The following STARD13 variants were observed in gnomAD, a reference collection of about 807,000 sequenced individuals.
STARD13 encodes the protein stAR-related lipid transfer protein 13.
In STARD13, 62 loss-of-function variants were observed where a neutral mutation model predicts 106.4. The ratio of observed to expected loss-of-function variants is 0.58; its 90% confidence interval spans 0.48 to 0.72. The LOEUF is 0.72. Ranked by LOEUF, STARD13 falls within the 30% of genes least tolerant of loss-of-function variation. The probability of loss-of-function intolerance (pLI) is 0.00; values close to 1 mark genes in which losing one functional copy is unlikely to be tolerated. For synonymous variants in STARD13, 565 were observed against 553.0 expected (o/e 1.02, Z -0.31); for missense variants, 1,387 against 1,424.0 (o/e 0.97, Z 0.42).
At chr13:33,398,849 T>C in the STARD13 span, among the ~76,000 whole-genome samples, 1 of 152,228 alleles carries the variant, frequency 6.6e-6, no homozygotes, top group East Asian at 1.9e-4. Context: ...AGTAGTCTGG[T>C]AGTTTTCTTA....
the STARD13 span, among the ~76,000 whole-genome samples, chr13:33,580,520 G>A: frequency 6.6e-6 from 1 of 152,024 alleles, no homozygotes; most frequent in Non-Finnish European, 1.5e-5. Flanking sequence ...ACAACACAGC[G>A]TGAACCTTAA....
At chr13:33,428,231 A>G in the STARD13 span, among the ~76,000 whole-genome samples, 1 of 152,220 alleles carries the variant, frequency 6.6e-6, no homozygotes, top group Non-Finnish European at 1.5e-5. Flanking sequence ...CTGCTAAATG[A>G]AAACATAGGG....
chr13:33,582,587 A>T, the STARD13 span, among the ~76,000 whole-genome samples: 2 of 152,232 alleles, frequency 1.3e-5, no homozygotes, highest in African/African-American at 2.4e-5. Context: ...GTAATCAAAC[A>T]TAGCTCTTCA....
the STARD13 span, among the ~76,000 whole-genome samples, chr13:33,370,589 C>CTTTCT: frequency 6.7e-6 from 1 of 149,344 alleles, no homozygotes; most frequent in African/African-American, 2.5e-5. Context: ...CTTTGACATA[C>CTTTCT]TTTCTTTTCT....
the STARD13 span, among the ~76,000 whole-genome samples, chr13:33,675,036 T>C: frequency 1.3e-5 from 2 of 152,238 alleles, 1 homozygote; most frequent in Non-Finnish European, 2.9e-5. Context: ...CTGGGTGTCC[T>C]GGCTGCATGA....
Position 33,105,296 on chromosome 13 carries a change from G to T in STARD13, c.*297C>A. On this transcript the variant is annotated 3_prime_UTR_variant, in exon 14 of 14. Transcript: ENST00000336934. ...ACAGTTAGGTATACGCTTCTTAGAAGCCTTTAAATAGCAAATTAGGCAATG... is the reference window on the plus strand; with the variant it reads ...ACAGTTAGGTATACGCTTCTTAGAATCCTTTAAATAGCAAATTAGGCAATG... 1 of 327,212 alleles carries T rather than the reference G, an allele frequency of 3.1e-6. No homozygotes were observed. The highest frequency in any genetic ancestry group is 5.7e-6 in the Non-Finnish European group (1 of 175,784). 20.3% of individuals were successfully genotyped at this position (327,212 alleles called of 1,614,324 possible).
At chr13:33,557,613 A>G in the STARD13 span, among the ~76,000 whole-genome samples, 1 of 152,146 alleles carries the variant, frequency 6.6e-6, no homozygotes, top group South Asian at 2.1e-4. Context: ...CTATCACTGT[A>G]TGTGTTACCT....
chr13:33,153,981 G>A (rs1207339994), intron 3 of STARD13, among the ~76,000 whole-genome samples: 1 of 152,218 alleles, frequency 6.6e-6, no homozygotes. Flanking sequence ...TCAGGGAGCA[G>A]CTCCTCCTCC....
chr13:33,436,450 C>A, the STARD13 span, among the ~76,000 whole-genome samples: 1 of 152,100 alleles, frequency 6.6e-6, no homozygotes, highest in Non-Finnish European at 1.5e-5. Context: ...ATTAAGTCAA[C>A]CATCACTACT....
chr13:33,134,085 G>T (rs764321243), intron 4 of STARD13, among the ~76,000 whole-genome samples: 7 of 152,184 alleles, frequency 4.6e-5, no homozygotes, highest in Non-Finnish European at 8.8e-5. Flanking sequence ...AACCATGGAC[G>T]TACCAGGGAC....
the STARD13 span, among the ~76,000 whole-genome samples, chr13:33,648,819 T>C: frequency 6.9e-6 from 1 of 145,368 alleles, no homozygotes; most frequent in Non-Finnish European, 1.5e-5. Context: ...GAGACAGAAT[T>C]TCGCTCTTGT....
chr13:33,589,167 A>T, the STARD13 span, among the ~76,000 whole-genome samples: 1 of 151,812 alleles, frequency 6.6e-6, no homozygotes, highest in Non-Finnish European at 1.5e-5. Context: ...TTTTTATTGC[A>T]TCTATTTGAT....
intron 1 of STARD13, among the ~76,000 whole-genome samples, chr13:33,254,452 T>C (rs1206673698): frequency 6.6e-6 from 1 of 152,208 alleles, no homozygotes; most frequent in Non-Finnish European, 1.5e-5. Flanking sequence ...TATTCTAGCA[T>C]TTGAAAGTAT....
the STARD13 span, among the ~76,000 whole-genome samples, chr13:33,624,971 T>C: frequency 6.6e-6 from 1 of 152,158 alleles, no homozygotes; most frequent in Non-Finnish European, 1.5e-5. Flanking sequence ...ACAAGGAAGA[T>C]GTCATCCTGT....
chr13:33,151,385 G>A lies in STARD13; in HGVS notation c.324-9012C>T, dbSNP rs548112710. ...TGAAGAGAGGGTGTGCATACCACAC[G>A]GTGAAAGCAGGAGGGAGAGATAGAA... On this transcript the variant is annotated intron_variant, in intron 3 of 13. Coordinates refer to ENST00000336934, the MANE Select transcript of STARD13 (RefSeq NM_178006.4). Among the ~76,000 whole-genome samples, 16 of 152,244 alleles carry A rather than the reference G, an allele frequency of 1.1e-4. No homozygotes were observed. In the East Asian group the frequency reaches 2.5e-3, roughly 24 times the overall value.
At chr13:33,560,068 A>G in the STARD13 span, among the ~76,000 whole-genome samples, 2 of 151,568 alleles carry the variant, frequency 1.3e-5, no homozygotes, top group African/African-American at 4.9e-5. Flanking sequence ...GTGCTAAGAC[A>G]TTCAGATTTT....
At chr13:33,326,205 AT>A (rs906135475) in intron 1 of STARD13, among the ~76,000 whole-genome samples, 7 of 152,156 alleles carry the variant, frequency 4.6e-5, no homozygotes, top group Admixed American at 3.9e-4. Context: ...GGTAGCACAA[AT>A]AAACAGGAAA....
At chr13:33,105,771 T>C in intron 13 of STARD13, 61 bp from the exon 14 acceptor site, 1 of 1,434,006 alleles carries the variant, frequency 7.0e-7, no homozygotes, top group Non-Finnish European at 9.8e-7. Context: ...CAGCAATTAG[T>C]TTTGGTGGAC....
At chr13:33,666,350 G>A in the STARD13 span, among the ~76,000 whole-genome samples, 7 of 152,122 alleles carry the variant, frequency 4.6e-5, no homozygotes, top group Non-Finnish European at 1.0e-4. Context: ...CTGGAGTGCG[G>A]TGGCACGATC....
Sources: allele counts gnomAD v4.1 joint callset (sites outside exome capture counted in the v4.1 genomes callset), GRCh38; gene constraint gnomAD v4.1.1; transcripts MANE v1.5; gene names NCBI Gene and HGNC (gene_info 2026-07-23, HGNC 2026-07-21).